The following RYR2 variants were observed in gnomAD, a reference collection of about 807,000 sequenced individuals.
RYR2 encodes the protein ryanodine receptor 2, also known as cardiac muscle ryanodine receptor-calcium release channel.
RYR2 carries 227 observed loss-of-function variants against 601.1 expected under a neutral mutation model. The observed-to-expected ratio is 0.38, with a 90% CI of 0.34 to 0.42. The LOEUF (loss-of-function observed/expected upper bound fraction) is 0.42, where lower values mean the gene tolerates loss of function less well. Ranked by LOEUF, RYR2 falls within the 10% of genes least tolerant of loss-of-function variation. The pLI is 1.00. For synonymous variants in RYR2, 2,223 were observed against 2,175.1 expected (o/e 1.02, Z -0.61); for missense variants, 4,646 against 6,156.5 (o/e 0.75, Z 8.21).
intron 2 of RYR2, among the ~76,000 whole-genome samples, chr1:237,309,696 G>T (rs915377473): frequency 3.9e-5 from 6 of 152,178 alleles, no homozygotes; most frequent in Non-Finnish European, 8.8e-5. Flanking sequence ...GCTTGTCGGG[G>T]AGGCTCGGAC....
chr1:237,681,665 A>G (rs1057421148), intron 62 of RYR2, among the ~76,000 whole-genome samples: 3 of 152,182 alleles, frequency 2.0e-5, no homozygotes, highest in Non-Finnish European at 2.9e-5. Flanking sequence ...TGCCACATGG[A>G]GAGAGGCAAT....
At chr1:237,466,519 A>G (rs925663092) in intron 16 of RYR2, among the ~76,000 whole-genome samples, 10 of 152,000 alleles carry the variant, frequency 6.6e-5, no homozygotes, top group African/African-American at 2.4e-4. Flanking sequence ...TGATTAAAGT[A>G]GTAGTTGGTA....
chr1:237,682,283 G>C (rs10495400), intron 62 of RYR2, among the ~76,000 whole-genome samples: 4,144 of 152,110 alleles, frequency 0.027, 102 homozygotes, highest in East Asian at 0.069. Context: ...ATCCCTCATA[G>C]AATAAATCAG....
In RYR2 at chr1:237,363,837, T is replaced by A. The variant is rs113809774; in HGVS notation, c.295-521T>A. Among the ~76,000 whole-genome samples, 203 of 152,316 alleles carry A rather than the reference T, an allele frequency of 1.3e-3. 1 individual carries two copies. Among genetic ancestry groups the A allele is most frequent in the African/African-American group, 4.7e-3 (197 of 41,590 alleles). On this transcript the variant is annotated intron_variant, in intron 4 of 104. Transcript: ENST00000366574. ...TTTCTGTGAAATTCACCTTTCACAATATTCAGTGTCTAAGAAATTGCTTAC... is the reference window on the plus strand; with the variant it reads ...TTTCTGTGAAATTCACCTTTCACAAAATTCAGTGTCTAAGAAATTGCTTAC...
chr1:237,059,534 T>C (rs1035503924), intron 1 of RYR2, among the ~76,000 whole-genome samples: 3 of 152,168 alleles, frequency 2.0e-5, no homozygotes, highest in South Asian at 2.1e-4. Flanking sequence ...CCTATTTTTG[T>C]GGGCAGGGAA....
chr1:237,566,925 C>T (rs1672146193), intron 28 of RYR2, 150 bp downstream of exon 28: 1 of 766,354 alleles, frequency 1.3e-6, no homozygotes, highest in Non-Finnish European at 2.1e-6. Context: ...CTCGTAGTCT[C>T]AAAACCCTTC....
chr1:237,614,278 C>T lies in RYR2; in HGVS notation c.5150C>T (p.Ala1717Val). ...ATCCACCTGAGCTCCTATGCCACTG[C>T]CAGGCTCATGATGAACAACGAGTAC... ...IDIHLSSYATARLMMNNEYIV... is the reference protein window; with the variant it reads ...IDIHLSSYATVRLMMNNEYIV... Residue 1717 changes from alanine to valine, a missense_variant, in exon 37 of 105, where the codon GCC becomes GTC. By Grantham distance (64) the Ala-to-Val change is moderately conservative (BLOSUM62 0). This residue lies in a region of RYR2 where 1,807 missense variants were observed against 2,088.1 expected (regional missense o/e 0.87). Coordinates refer to ENST00000366574, the MANE Select transcript of RYR2 (RefSeq NM_001035.3). The surrounding 1 kb of genome is among the most constrained non-coding windows in gnomAD (Gnocchi z 4.3). 1 of 1,613,998 alleles carries T rather than the reference C, an allele frequency of 6.2e-7. No individual in the cohort carries two copies. Among genetic ancestry groups the T allele is most frequent in the Non-Finnish European group, 8.5e-7 (1 of 1,179,896 alleles).
In RYR2 at chr1:237,801,910, T is replaced by C; in HGVS notation, c.14145T>C (p.Thr4715=). The C allele has an allele frequency of 1.3e-6, 2 of 1,588,572 alleles. No homozygotes were observed. The highest frequency in any genetic ancestry group is 1.7e-6 in the Non-Finnish European group (2 of 1,159,398). ...TGTGGAAACTAGGAGTCGTTTTCAC[T>C]GACAACGTAAGCCTACTTCATTATC... ...YQMWKLGVVF[T]DNSFLYLAWY... The change falls in exon 98 of 105, where the codon ACT becomes ACC. Residue 4715 remains threonine (T), a synonymous_variant. Transcript: ENST00000366574.
intron 47 of RYR2, among the ~76,000 whole-genome samples, chr1:237,641,509 C>CTT (rs1402907872): frequency 9.7e-6 from 1 of 103,194 alleles, no homozygotes; most frequent in Non-Finnish European, 2.5e-5. Context: ...TTCTTTCTTT[C>CTT]TTTCTTTCTT....
intron 7 of RYR2, among the ~76,000 whole-genome samples, chr1:237,375,524 CCT>C (rs1269853114): frequency 2.6e-5 from 4 of 152,108 alleles, no homozygotes; most frequent in Non-Finnish European, 4.4e-5. Flanking sequence ...ATCAAGCTAT[CCT>C]CTCACTCCAC....
intron 10 of RYR2, among the ~76,000 whole-genome samples, chr1:237,415,195 CGA>C (rs1558779801): frequency 1.3e-5 from 2 of 152,096 alleles, no homozygotes; most frequent in Admixed American, 6.5e-5. Context: ...TTGCAACCAG[CGA>C]GAGAGTTTTT....
At chr1:237,406,157 T>TCCCTGCCCTTCCCTCCCCTCCCCTC (rs1703852640) in intron 10 of RYR2, among the ~76,000 whole-genome samples, 1 of 30,240 alleles carries the variant, frequency 3.3e-5, no homozygotes. Flanking sequence ...CCCCTCCCCT[T>TCCCTGCCCTTCCCTCCCCTCCCCTC]CCCTTCCCTT....
At chr1:237,064,714 T>A (rs891985243) in intron 1 of RYR2, among the ~76,000 whole-genome samples, 4 of 9,312 alleles carry the variant, frequency 4.3e-4, no homozygotes, top group African/African-American at 8.0e-4. Flanking sequence ...ATACCTGCAG[T>A]TTTTTGTTTT....
chr1:237,739,543 T>C (rs1017688729), intron 79 of RYR2, among the ~76,000 whole-genome samples: 3 of 152,178 alleles, frequency 2.0e-5, no homozygotes, highest in African/African-American at 7.2e-5. Flanking sequence ...CTGTTTTGAG[T>C]TTCCAGCTAA....
intron 12 of RYR2, among the ~76,000 whole-genome samples, chr1:237,431,738 A>G (rs1400772507): frequency 6.6e-6 from 1 of 152,152 alleles, no homozygotes; most frequent in Non-Finnish European, 1.5e-5. Flanking sequence ...AGGCTCTCAG[A>G]GGGCAGAACA....
intron 2 of RYR2, among the ~76,000 whole-genome samples, chr1:237,324,409 A>G (rs1048362535): frequency 6.6e-6 from 1 of 152,278 alleles, no homozygotes; most frequent in Admixed American, 6.5e-5. Context: ...CCTGAAGGCC[A>G]CACAGCAGAT....
intron 2 of RYR2, among the ~76,000 whole-genome samples, chr1:237,308,546 G>T (rs569205996): frequency 6.6e-6 from 1 of 152,118 alleles, no homozygotes; most frequent in South Asian, 2.1e-4. Flanking sequence ...GGACCCTTGC[G>T]GTGAGTGTTA....
chr1:237,731,091 A>C (rs150585874), intron 77 of RYR2, among the ~76,000 whole-genome samples: 1,632 of 152,290 alleles, frequency 0.011, 17 homozygotes, highest in Middle Eastern at 0.02. Context: ...TTAAAAGCCT[A>C]ATCTTGATTG....
chr1:237,441,419 G>T lies in RYR2; in HGVS notation c.1106G>T (p.Gly369Val). Residue 369 changes from glycine (G) to valine (V), a missense_variant, in exon 13 of 105, where the codon GGC (glycine) becomes GTC (valine). Transcript: ENST00000366574. ...SVCYIQHVDTGLWLTYQSVDV... is the reference protein window; with the variant it reads ...SVCYIQHVDTVLWLTYQSVDV... The stretch of plus-strand genomic sequence containing the variant: ...TGCTATATACAACATGTAGACACAG[G>T]CCTATGGCTTACTTACCAGTCTGTG... 1 of 1,611,400 alleles carries T rather than the reference G, an allele frequency of 6.2e-7. No homozygotes were observed. Among genetic ancestry groups the T allele is most frequent in the Non-Finnish European group, 8.5e-7 (1 of 1,178,360 alleles).
Sources: gnomAD v4.1 joint callset for allele counts (sites outside exome capture counted in the v4.1 genomes callset) on GRCh38, gnomAD v4.1.1 for gene constraint, gnomAD v4.1.1 regional missense constraint, Gnocchi (gnomAD v3.1) non-coding constraint, MANE v1.5 for transcripts, NCBI Gene and HGNC (gene_info 2026-07-23, HGNC 2026-07-21) for gene names.